Variants in SCAF8 observed in about 807,000 individuals in gnomAD.
The protein encoded by SCAF8 is SR-related and CTD-associated factor 8.
SCAF8 carries 23 observed loss-of-function variants against 140.5 expected under a neutral mutation model. That is an observed-to-expected ratio of 0.16 (90% CI 0.12 to 0.23). SCAF8 has a LOEUF of 0.23. SCAF8 is among the 10% of genes least tolerant of loss of function. SCAF8 has a pLI of 1.00. For synonymous variants in SCAF8, 575 were observed against 528.9 expected (o/e 1.09, Z -1.20); for missense variants, 1,397 against 1,555.7 (o/e 0.90, Z 1.72).
rs531275794 is a variant in SCAF8 at position 154,768,483 on chromosome 6, A to G, written c.31-5506A>G. On this transcript the variant is annotated intron_variant, in intron 1 of 19. Transcript: ENST00000367178. Reference sequence around the variant, plus strand: ...TAAGTGGATACTCACACTCGAGCTCACTGCAATAGCAAGAGAAGGTGGCTA... The same window carrying G: ...TAAGTGGATACTCACACTCGAGCTCGCTGCAATAGCAAGAGAAGGTGGCTA... 7.2e-5 allele frequency among the ~76,000 whole-genome samples: 11 copies of G among 152,356 alleles called. No homozygotes were observed. The East Asian group carries it at 2.1e-3, about 29-fold the overall frequency.
chr6:154,759,553 AT>A (rs1482878297), intron 1 of SCAF8, among the ~76,000 whole-genome samples: 1 of 152,202 alleles, frequency 6.6e-6, no homozygotes, highest in East Asian at 1.9e-4. Context: ...GGCAAAGATA[AT>A]GAGAAAGCGT....
chr6:154,831,873 T>C (rs745875679), intron 19 of SCAF8, 66 bp from the exon 20 acceptor site: 94 of 1,393,502 alleles, frequency 6.7e-5, no homozygotes, highest in African/African-American at 1.7e-4. Flanking sequence ...AGTAGCTGAT[T>C]AAGCTAAAAT....
intron 1 of SCAF8, among the ~76,000 whole-genome samples, chr6:154,759,948 C>T (rs1032093924): frequency 1.3e-5 from 2 of 151,956 alleles, no homozygotes; most frequent in Non-Finnish European, 2.9e-5. Flanking sequence ...GGATTACAGG[C>T]GTGAGCCACC....
chr6:154,739,400 T>C (rs1274836849), intron 1 of SCAF8, among the ~76,000 whole-genome samples: 1 of 152,212 alleles, frequency 6.6e-6, no homozygotes, highest in African/African-American at 2.4e-5. Context: ...TATAATAAAA[T>C]ACCAATCAGT....
chr6:154,800,039 G>A (rs749663275), intron 6 of SCAF8, among the ~76,000 whole-genome samples: 23 of 151,162 alleles, frequency 1.5e-4, no homozygotes, highest in Admixed American at 1.5e-3. Context: ...GCCCGCCTCG[G>A]CCTTCCAAAG....
At chr6:154,746,226 A>T (rs2114799791) in intron 1 of SCAF8, among the ~76,000 whole-genome samples, 1 of 152,256 alleles carries the variant, frequency 6.6e-6, no homozygotes, top group East Asian at 1.9e-4. Context: ...AGTTATCTTT[A>T]TACTCTGATT....
chr6:154,778,143 G>A (rs1205907371), intron 3 of SCAF8, 98 bp downstream of exon 3: 15 of 664,272 alleles, frequency 2.3e-5, no homozygotes, highest in Non-Finnish European at 3.6e-5. Flanking sequence ...TGTTTTGATG[G>A]ACTGTTAAAA....
At chr6:154,742,097 A>G in intron 1 of SCAF8, 2 of 940,876 alleles carry the variant, frequency 2.1e-6, no homozygotes, top group South Asian at 1.4e-5. Context: ...AGTGTATTTG[A>G]TTATATGGTT....
At chr6:154,813,111 G>A (rs182740389) in intron 12 of SCAF8, among the ~76,000 whole-genome samples, 1 of 152,190 alleles carries the variant, frequency 6.6e-6, no homozygotes, top group Admixed American at 6.5e-5. Flanking sequence ...AGAAAGAGGT[G>A]GGAGAATCAC....
rs1195465753 is a variant in SCAF8, at chr6:154,834,087, A to C, written c.*692A>C. The C allele has an allele frequency of 6.6e-6, 1 of 152,214 alleles. No homozygotes were observed. The highest frequency in any genetic ancestry group is 1.9e-4 in the East Asian group (1 of 5,208). 9.4% of individuals were successfully genotyped at this position (152,214 alleles called of 1,614,324 possible). On this transcript the variant is annotated 3_prime_UTR_variant, in exon 20 of 20. Coordinates refer to ENST00000367178, the MANE Select transcript of SCAF8 (RefSeq NM_014892.5). ...AGTGTTCTAGGAATTGTATTTTTTTAACCTATAAATTCTTAAAACCTTGAA... is the reference window on the plus strand; with the variant it reads ...AGTGTTCTAGGAATTGTATTTTTTTCACCTATAAATTCTTAAAACCTTGAA...
intron 3 of SCAF8, among the ~76,000 whole-genome samples, chr6:154,782,840 G>C (rs1419138832): frequency 2.6e-5 from 4 of 152,032 alleles, no homozygotes; most frequent in African/African-American, 9.7e-5. Context: ...CTCTATACTT[G>C]CTGGCAGCTG....
intron 1 of SCAF8, among the ~76,000 whole-genome samples, chr6:154,748,235 G>A (rs1361025777): frequency 3.3e-5 from 5 of 152,070 alleles, no homozygotes; most frequent in Admixed American, 3.3e-4. Context: ...ACCTAATTTA[G>A]TGATAAGTAC....
chr6:154,805,561 C>CTTT, intron 9 of SCAF8, 75 bp downstream of exon 9: 3 of 488,772 alleles, frequency 6.1e-6, no homozygotes, highest in Admixed American at 3.7e-5. Flanking sequence ...TGTGGGTTGG[C>CTTT]TTTTTTTTTT....
In SCAF8 at chr6:154,796,881, A is replaced by G. The variant is rs112282324; in HGVS notation, c.606+1742A>G. On this transcript the variant is annotated intron_variant, in intron 6 of 19. Transcript: ENST00000367178. ...CAGCTACTTAGGAGGCTGAGGCAGGAGAATCGCTTGAACCTCAGAAGTGGA... is the reference window on the plus strand; with the variant it reads ...CAGCTACTTAGGAGGCTGAGGCAGGGGAATCGCTTGAACCTCAGAAGTGGA... Among the ~76,000 whole-genome samples, 570 of 152,186 alleles carry G rather than the reference A, an allele frequency of 3.7e-3. 4 individuals are homozygous for G. Among genetic ancestry groups the G allele is most frequent in the African/African-American group, 0.013 (543 of 41,516 alleles).
intron 1 of SCAF8, among the ~76,000 whole-genome samples, chr6:154,743,279 T>C (rs1308980522): frequency 1.3e-5 from 2 of 152,240 alleles, no homozygotes; most frequent in Admixed American, 1.3e-4. Flanking sequence ...ACTAGCTACA[T>C]TGTTTTATAC....
intron 1 of SCAF8, among the ~76,000 whole-genome samples, chr6:154,741,615 C>G (rs1778570152): frequency 6.6e-6 from 1 of 152,104 alleles, no homozygotes; most frequent in Non-Finnish European, 1.5e-5. Flanking sequence ...CCATGTTGGC[C>G]AGGCTGATCT....
intron 18 of SCAF8, among the ~76,000 whole-genome samples, chr6:154,827,870 G>A (rs1369208565): frequency 6.6e-6 from 1 of 150,688 alleles, no homozygotes; most frequent in Non-Finnish European, 1.5e-5. Flanking sequence ...ATTTTTTAGA[G>A]CAGTTTTTTA....
At chr6:154,765,037 T>C (rs974177067) in intron 1 of SCAF8, among the ~76,000 whole-genome samples, 7 of 152,190 alleles carry the variant, frequency 4.6e-5, no homozygotes, top group African/African-American at 1.7e-4. Context: ...CATTGTAATG[T>C]CTTGTAGATG....
At chr6:154,827,320 C>T in intron 18 of SCAF8, 80 bp downstream of exon 18, 1 of 903,808 alleles carries the variant, frequency 1.1e-6, no homozygotes. Context: ...TTGTGAATTA[C>T]CGTTAATATT....
Sources: allele counts gnomAD v4.1 joint callset (sites outside exome capture counted in the v4.1 genomes callset), GRCh38; gene constraint gnomAD v4.1.1; transcripts MANE v1.5; gene names NCBI Gene and HGNC (gene_info 2026-07-23, HGNC 2026-07-21).